Variants in SYNPO2 observed in about 807,000 individuals in gnomAD.
SYNPO2 encodes synaptopodin-2.
Under a neutral mutation model 85.0 loss-of-function variants are expected in SYNPO2, and 56 were observed. The ratio of observed to expected loss-of-function variants is 0.66; its 90% confidence interval spans 0.53 to 0.82. The LOEUF (loss-of-function observed/expected upper bound fraction) is 0.82, where lower values mean the gene tolerates loss of function less well. Among genes scored for constraint, SYNPO2 ranks in the 40% least tolerant of loss-of-function variants. SYNPO2 has a pLI of 0.00. For missense variants in SYNPO2, 1,575 were observed against 1,534.2 expected (o/e 1.03, Z -0.44); for synonymous variants, 602 against 591.1 (o/e 1.02, Z -0.27).
At chr4:119,015,444 C>G (rs1030790772) in intron 1 of SYNPO2, among the ~76,000 whole-genome samples, 35 of 151,806 alleles carry the variant, frequency 2.3e-4, no homozygotes, top group Admixed American at 2.2e-3. Flanking sequence ...ATGTCTAGAG[C>G]TATAGAAAAA....
At chr4:118,977,338 T>TTG (rs1256541297) in intron 1 of SYNPO2, among the ~76,000 whole-genome samples, 16 of 152,214 alleles carry the variant, frequency 1.1e-4, no homozygotes, top group African/African-American at 3.6e-4. Context: ...GGCCAGCTGC[T>TTG]CCGAGTGCGG....
intron 1 of SYNPO2, among the ~76,000 whole-genome samples, chr4:118,941,707 T>C (rs970837987): frequency 2.0e-5 from 3 of 152,192 alleles, no homozygotes; most frequent in African/African-American, 7.2e-5. Context: ...GGTGACTGAA[T>C]GATAACATGG....
At chr4:118,946,343 A>C (rs996111048) in intron 1 of SYNPO2, among the ~76,000 whole-genome samples, 1 of 152,188 alleles carries the variant, frequency 6.6e-6, no homozygotes, top group Non-Finnish European at 1.5e-5. Flanking sequence ...GCATCCGTTA[A>C]AAGCAACACT....
At chr4:119,002,955 T>A (rs1736878933) in intron 1 of SYNPO2, among the ~76,000 whole-genome samples, 1 of 152,252 alleles carries the variant, frequency 6.6e-6, no homozygotes, top group Non-Finnish European at 1.5e-5. Flanking sequence ...AATTATTTGA[T>A]GACTTATTCG....
At chr4:118,892,903 G>T (rs763678971) in intron 1 of SYNPO2, among the ~76,000 whole-genome samples, 8 of 151,904 alleles carry the variant, frequency 5.3e-5, no homozygotes, top group Non-Finnish European at 8.8e-5. Flanking sequence ...TTAAGATTTT[G>T]AATAAAAATG....
rs543758910 is a variant in SYNPO2 at position 118,873,423 on chromosome 4, G to A, written c.12+22483G>A. 1.9e-3 allele frequency among the ~76,000 whole-genome samples: 295 copies of A among 151,878 alleles called. 3 individuals are homozygous for A. The highest frequency in any genetic ancestry group is 6.9e-3 in the African/African-American group (286 of 41,422). On this transcript the variant is annotated intron_variant, in intron 1 of 4. Transcript: ENST00000610556. ...TTCATGTAAGATAATATCTTATTGTGGCTTTAATTTGCATTTCTCTGATTA... is the reference window on the plus strand; with the variant it reads ...TTCATGTAAGATAATATCTTATTGTAGCTTTAATTTGCATTTCTCTGATTA...
intron 1 of SYNPO2, among the ~76,000 whole-genome samples, chr4:118,860,381 C>A (rs190557263): frequency 1.3e-5 from 2 of 151,798 alleles, no homozygotes; most frequent in Non-Finnish European, 2.9e-5. Context: ...ATAGCTGGGA[C>A]TACAGGCGTG....
intron 1 of SYNPO2, among the ~76,000 whole-genome samples, chr4:118,906,410 T>C (rs554075768): frequency 2.5e-4 from 38 of 152,302 alleles, no homozygotes; most frequent in Middle Eastern, 3.4e-3. Context: ...TAATTTCTCT[T>C]ACCTCCATTA....
chr4:118,951,893 A>G (rs2149142902), intron 1 of SYNPO2, among the ~76,000 whole-genome samples: 1 of 152,308 alleles, frequency 6.6e-6, no homozygotes, highest in South Asian at 2.1e-4. Flanking sequence ...GAACTTTTTA[A>G]TATTTCATCC....
At chr4:118,992,781 T>C (rs1275589597) in intron 1 of SYNPO2, among the ~76,000 whole-genome samples, 1 of 152,212 alleles carries the variant, frequency 6.6e-6, no homozygotes. Context: ...TTGGAGATCC[T>C]GACCTGGCTC....
intron 1 of SYNPO2, 138 bp from the exon 2 acceptor site, chr4:119,023,292 T>C: frequency 1.2e-6 from 1 of 805,334 alleles, no homozygotes; most frequent in Non-Finnish European, 1.9e-6. Context: ...AAGAAGTATT[T>C]AAATGGTCTT....
In SYNPO2 at chr4:119,026,994, A is replaced by T. The variant is rs1213767104; in HGVS notation, c.625A>T (p.Lys209Ter). The change falls in exon 3 of 5, where the codon AAG becomes TAG. Residue 209 changes from lysine to a stop codon, truncating the protein, a stop_gained. Coordinates refer to ENST00000307142, the MANE Select transcript of SYNPO2 (RefSeq NM_133477.3). LOFTEE classifies it high-confidence loss of function. ...ACTGTCCCTTTCACAGGAGAGACAT[A>T]AGGGCGCTAGTGGCCCTTTAGTGGC... ...LQLSLSQERHKGASGPLVALP... is the reference protein window; with the variant it reads ...LQLSLSQERH The T allele has an allele frequency of 6.2e-7, 1 of 1,614,160 alleles. No homozygotes were observed.
At chr4:118,894,037 A>G (rs1732463505) in intron 1 of SYNPO2, among the ~76,000 whole-genome samples, 1 of 150,294 alleles carries the variant, frequency 6.7e-6, no homozygotes, top group South Asian at 2.1e-4. Flanking sequence ...ATATATATAT[A>G]TATGAATATA....
intron 1 of SYNPO2, among the ~76,000 whole-genome samples, chr4:118,873,406 A>T (rs1731839069): frequency 6.6e-6 from 1 of 152,044 alleles, no homozygotes; most frequent in Non-Finnish European, 1.5e-5. Flanking sequence ...GATTCATGTA[A>T]GATAATATCT....
intron 1 of SYNPO2, among the ~76,000 whole-genome samples, chr4:118,932,255 T>C (rs1701805376): frequency 6.6e-6 from 1 of 152,206 alleles, no homozygotes; most frequent in African/African-American, 2.4e-5. Flanking sequence ...ACCTGTATTC[T>C]GAGATAGAGG....
At chr4:119,033,430 T>C (rs1017545393) in intron 4 of SYNPO2, 1 of 985,316 alleles carries the variant, frequency 1.0e-6, no homozygotes, top group African/African-American at 1.7e-5. Context: ...TGAATAATGG[T>C]ACTGAAAGTA....
At position 119,060,576 on chromosome 4, in the gene SYNPO2, G is replaced by T. The variant is rs1294273571; in HGVS notation, c.*2642G>T. 1 of 152,174 alleles carries T rather than the reference G, an allele frequency of 6.6e-6. No individual in the cohort carries two copies. Among genetic ancestry groups the T allele is most frequent in the Non-Finnish European group, 1.5e-5 (1 of 68,004 alleles). The allele number at this position is 152,174 out of a possible 1,614,324, so 9.4% of individuals were successfully genotyped here. On this transcript the variant is annotated 3_prime_UTR_variant, in exon 5 of 5. Coordinates refer to ENST00000307142, the MANE Select transcript of SYNPO2 (RefSeq NM_133477.3). ...GGGTGAGAAGATGTAGATGACTATTGTTCTCACTAAAGTTCTAAAATAATA... is the reference window on the plus strand; with the variant it reads ...GGGTGAGAAGATGTAGATGACTATTTTTCTCACTAAAGTTCTAAAATAATA...
At chr4:119,023,850 G>C (rs1737833169) in intron 2 of SYNPO2, among the ~76,000 whole-genome samples, 1 of 152,158 alleles carries the variant, frequency 6.6e-6, no homozygotes, top group South Asian at 2.1e-4. Context: ...TCCTTAGAAA[G>C]CTCAGTATAT....
At chr4:118,901,042 C>G (rs1013017153) in intron 1 of SYNPO2, among the ~76,000 whole-genome samples, 1 of 151,888 alleles carries the variant, frequency 6.6e-6, no homozygotes, top group African/African-American at 2.4e-5. Context: ...GAAACTTCCT[C>G]CAATATGTAG....
Sources: gnomAD v4.1 joint callset for allele counts (sites outside exome capture counted in the v4.1 genomes callset) on GRCh38, gnomAD v4.1.1 for gene constraint, MANE v1.5 for transcripts, NCBI Gene and HGNC (gene_info 2026-07-23, HGNC 2026-07-21) for gene names.